The following SLC8A1 variants were observed in gnomAD, a reference collection of about 807,000 sequenced individuals.
SLC8A1 encodes the protein sodium/calcium exchanger 1.
Under a neutral mutation model 68.3 loss-of-function variants are expected in SLC8A1, and 18 were observed. The observed-to-expected ratio is 0.26, with a 90% confidence interval of 0.18 to 0.39. The LOEUF (loss-of-function observed/expected upper bound fraction) is 0.39. Ranked by LOEUF, SLC8A1 falls within the 10% of genes least tolerant of loss-of-function variation. SLC8A1 has a pLI of 1.00. For missense variants in SLC8A1, 985 were observed against 1,156.7 expected, an observed-to-expected ratio of 0.85 and a Z score of 2.15; for synonymous variants, 475 against 415.5, an observed-to-expected ratio of 1.14 and a Z score of -1.74.
chr2:40,178,515 G>T (rs2048880395), intron 2 of SLC8A1, 22 bp from the exon 3 acceptor site: 2 of 1,576,404 alleles, frequency 1.3e-6, no homozygotes, highest in East Asian at 4.5e-5. Context: ...AATAGAAATT[G>T]ACGAACAAGG....
chr2:40,287,582 A>ATGTGTGTGTGTG (rs10522914), intron 2 of SLC8A1, among the ~76,000 whole-genome samples: 2,094 of 127,518 alleles, frequency 0.016, 87 homozygotes, highest in African/African-American at 0.045. Context: ...CAGAGGAATG[A>ATGTGTGTGTGTG]TGTGTGTGTG....
At chr2:40,411,197 C>T (rs1692030328) in intron 2 of SLC8A1, among the ~76,000 whole-genome samples, 1 of 152,010 alleles carries the variant, frequency 6.6e-6, no homozygotes, top group Non-Finnish European at 1.5e-5. Context: ...GTTTTGAACA[C>T]TAATAGTTAC....
chr2:40,246,025 G>A (rs755925624), intron 2 of SLC8A1, among the ~76,000 whole-genome samples: 10 of 152,188 alleles, frequency 6.6e-5, no homozygotes, highest in Admixed American at 1.3e-4. Context: ...CATATGACCT[G>A]TCTTAGACTA....
intron 2 of SLC8A1, among the ~76,000 whole-genome samples, chr2:40,191,852 C>T (rs1173049124): frequency 6.6e-6 from 1 of 152,098 alleles, no homozygotes; most frequent in Non-Finnish European, 1.5e-5. Context: ...TTGACCCAGA[C>T]ATAATCTTAT....
intron 2 of SLC8A1, among the ~76,000 whole-genome samples, chr2:40,383,156 TA>T (rs1682444854): frequency 6.6e-6 from 1 of 152,118 alleles, no homozygotes; most frequent in Non-Finnish European, 1.5e-5. Context: ...ATTGGCAAAT[TA>T]AAGATTACAG....
At chr2:40,200,639 C>T (rs1331295846) in intron 2 of SLC8A1, among the ~76,000 whole-genome samples, 1 of 151,620 alleles carries the variant, frequency 6.6e-6, no homozygotes, top group Non-Finnish European at 1.5e-5. Flanking sequence ...CTGAGAACTC[C>T]TGAAAATGCC....
At chr2:40,196,893 C>T (rs965138092) in intron 2 of SLC8A1, among the ~76,000 whole-genome samples, 2 of 151,992 alleles carry the variant, frequency 1.3e-5, no homozygotes, top group African/African-American at 4.8e-5. Flanking sequence ...AATTTTCTAT[C>T]AAGTCTACTC....
intron 2 of SLC8A1, among the ~76,000 whole-genome samples, chr2:40,210,483 C>A (rs2056382177): frequency 6.6e-6 from 1 of 152,134 alleles, no homozygotes; most frequent in Admixed American, 6.6e-5. Context: ...AACCAAATCA[C>A]ATTTGATTTC....
chr2:40,481,105 T>C (rs1004471292), intron 1 of SLC8A1, among the ~76,000 whole-genome samples: 5 of 152,220 alleles, frequency 3.3e-5, no homozygotes, highest in Non-Finnish European at 5.9e-5. Context: ...GCATATTTTC[T>C]TGTGTGTGTT....
chr2:40,333,242 T>G (rs2076603560), intron 2 of SLC8A1, among the ~76,000 whole-genome samples: 1 of 151,850 alleles, frequency 6.6e-6, no homozygotes, highest in African/African-American at 2.4e-5. Flanking sequence ...ATCGAGACCA[T>G]CCTGGCTAAC....
chr2:40,259,354 C>T (rs928702765), intron 2 of SLC8A1, among the ~76,000 whole-genome samples: 1 of 152,186 alleles, frequency 6.6e-6, no homozygotes, highest in African/African-American at 2.4e-5. Flanking sequence ...CATAGAGATC[C>T]ACTTAACAGA....
At chr2:40,319,191 G>A (rs908410446) in intron 2 of SLC8A1, among the ~76,000 whole-genome samples, 11 of 152,052 alleles carry the variant, frequency 7.2e-5, no homozygotes, top group Admixed American at 2.6e-4. Flanking sequence ...TATGAGATGC[G>A]TGTGATCACA....
At chr2:40,453,030 A>C (rs1455808184), upstream of SLC8A1, 2 of 152,214 alleles carry the variant, frequency 1.3e-5, no homozygotes, top group African/African-American at 2.4e-5. Flanking sequence ...TAATAAAGGA[A>C]CACTGCACCA....
At chr2:40,325,978 G>T (rs1425748895) in intron 2 of SLC8A1, among the ~76,000 whole-genome samples, 1 of 152,020 alleles carries the variant, frequency 6.6e-6, no homozygotes, top group African/African-American at 2.4e-5. Flanking sequence ...CAAGAAGCAT[G>T]AGCTGCCTTC....
In SLC8A1 at chr2:40,328,536, C is replaced by T. The variant is rs141640932; in HGVS notation, c.1808+99937G>A. Reference sequence around the variant, plus strand: ...TAGCTCTTGTCATTACTTCTTGCTGCGAATCCCCCAATCTCTATTTTCAGC... The same window carrying T: ...TAGCTCTTGTCATTACTTCTTGCTGTGAATCCCCCAATCTCTATTTTCAGC... On this transcript the variant is annotated intron_variant, in intron 2 of 7. Coordinates refer to ENST00000406785, the Ensembl canonical transcript of SLC8A1. Among the ~76,000 whole-genome samples, 123 of 152,270 alleles carry T rather than the reference C, an allele frequency of 8.1e-4. No homozygotes were observed. The East Asian group carries it at 0.02, about 25-fold the overall frequency.
chr2:40,154,479 C>CTTTTTTTTTTTTTTTTTTT (rs144812656), intron 6 of SLC8A1, among the ~76,000 whole-genome samples: 1 of 30,044 alleles, frequency 3.3e-5, no homozygotes, highest in Non-Finnish European at 7.4e-5. Flanking sequence ...AATTTTTTTT[C>CTTTTTTTTTTTTTTTTTTT]TTTTCTTTTT....
At chr2:40,486,448 TA>T (rs202144225) in intron 1 of SLC8A1, among the ~76,000 whole-genome samples, 6,427 of 152,316 alleles carry the variant, frequency 0.042, 182 homozygotes, top group Non-Finnish European at 0.064. Flanking sequence ...TCTGGATGCT[TA>T]ATCAGATCAA....
exon 8 of SLC8A1, chr2:40,112,828 GAT>G (rs1428275669): frequency 6.6e-6 from 1 of 152,240 alleles, no homozygotes; most frequent in Non-Finnish European, 1.5e-5. Flanking sequence ...AAAATGGAGA[GAT>G]ATATTTATCT....
intron 1 of SLC8A1, among the ~76,000 whole-genome samples, chr2:40,443,403 G>A (rs1700873896): frequency 2.0e-5 from 3 of 152,156 alleles, no homozygotes; most frequent in Non-Finnish European, 1.5e-5. Flanking sequence ...TCTAAGCTGA[G>A]ATTTAAAAGA....
Sources: allele counts gnomAD v4.1 joint callset (sites outside exome capture counted in the v4.1 genomes callset), GRCh38; gene constraint gnomAD v4.1.1; transcripts MANE v1.5; gene names NCBI Gene and HGNC (gene_info 2026-07-23, HGNC 2026-07-21).